The following KBTBD7 variants were observed in gnomAD, a reference collection of about 807,000 sequenced individuals.
KBTBD7 encodes kelch repeat and BTB domain-containing protein 7.
A neutral mutation model predicts 50.3 loss-of-function variants in KBTBD7; 25 were observed. The observed-to-expected ratio is 0.50, with a 90% CI of 0.36 to 0.69. The LOEUF (loss-of-function observed/expected upper bound fraction) is 0.69. KBTBD7 is among the 30% of genes least tolerant of loss of function. The pLI is 0.00. For synonymous variants in KBTBD7, 305 were observed against 325.3 expected, an observed-to-expected ratio of 0.94 and a Z score of 0.67; for missense variants, 653 against 869.5, an observed-to-expected ratio of 0.75 and a Z score of 3.13.
chr13:41,192,400 G>T lies in KBTBD7; in HGVS notation c.1858C>A (p.Pro620Thr). The change falls in exon 1 of 1, where the codon CCT becomes ACT. Residue 620 changes from proline (P) to threonine (T), a missense_variant. Physicochemically the swap from Pro to Thr is conservative, Grantham distance 38. Transcript: ENST00000379483. ...CTCTGACCAGGTTCAAGGCAGGAAG[G>T]ATAAACACGAGCACAAAGGCAAATA... ...GFICLCARVY[P>T]SCLEPGQSFI... 1 of 1,614,162 alleles carries T rather than the reference G, an allele frequency of 6.2e-7. No individual in the cohort carries two copies. The highest frequency in any genetic ancestry group is 8.5e-7 in the Non-Finnish European group (1 of 1,180,026).
chr13:41,193,676 G>A lies in KBTBD7; in HGVS notation c.582C>T (p.Ser194=). 2 of 1,614,178 alleles carry A rather than the reference G, an allele frequency of 1.2e-6. No individual in the cohort carries two copies. Among genetic ancestry groups the A allele is most frequent in the Non-Finnish European group, 1.7e-6 (2 of 1,180,032 alleles). Reference sequence around the variant, plus strand: ...GCTGCTTGAAGTTGTGAGCTATGTAGGACTGGGCCTGAGATCGAAGCTTGT... The same window carrying A: ...GCTGCTTGAAGTTGTGAGCTATGTAAGACTGGGCCTGAGATCGAAGCTTGT... ...DHHKLRSQAQ[S]YIAHNFKQLS... The change falls in exon 1 of 1, where the codon TCC becomes TCT. Residue 194 remains serine, a synonymous_variant. Transcript: ENST00000379483. This position sits in a 1 kb window ranked among gnomAD's most constrained non-coding sequence, Gnocchi z 5.7.
In KBTBD7 at chr13:41,193,728, A is replaced by G. The variant is rs1220259344; in HGVS notation, c.530T>C (p.Leu177Pro). 6.2e-7 allele frequency: 1 copy of G among 1,614,212 alleles called. No homozygotes were observed. Among genetic ancestry groups the G allele is most frequent in the Non-Finnish European group, 8.5e-7 (1 of 1,180,042 alleles). Residue 177 changes from leucine to proline, a missense_variant, in exon 1 of 1, where the codon CTC becomes CCC. Physicochemically the swap from Leu to Pro is moderately conservative, Grantham distance 98. Around this residue, in one of 3 missense-constraint regions of KBTBD7, gnomAD observed 526 missense variants for 717.1 expected, o/e 0.73. Coordinates refer to ENST00000379483, the MANE Select transcript of KBTBD7 (RefSeq NM_032138.7). This position sits in a 1 kb window ranked among gnomAD's most constrained non-coding sequence, Gnocchi z 5.7. ...RLDLTNCTAI[L>P]KFADAFDHHK... ...ATGGTCGAAGGCGTCTGCAAACTTGAGGATGGCGGTGCAGTTGGTCAGGTC... is the reference window on the plus strand; with the variant it reads ...ATGGTCGAAGGCGTCTGCAAACTTGGGGATGGCGGTGCAGTTGGTCAGGTC...
Position 41,192,680 on chromosome 13 carries a change from A to G in KBTBD7, c.1578T>C (p.Tyr526=), listed in dbSNP as rs745664907. ...QEACVFNDEI[Y]CICDIPVMKV... ...TCATGACTGGGATGTCACAGATACA[A>G]TAGATTTCATCATTGAAGACACATG... The change falls in exon 1 of 1, where the codon TAT becomes TAC. Residue 526 remains tyrosine (Y), a synonymous_variant. Coordinates refer to ENST00000379483, the MANE Select transcript of KBTBD7 (RefSeq NM_032138.7). 3.1e-6 allele frequency: 5 copies of G among 1,614,216 alleles called. No individual in the cohort carries two copies. Among genetic ancestry groups the G allele is most frequent in the Admixed American group, 3.3e-5 (2 of 60,032 alleles).
rs2031380739 is a variant in KBTBD7 at position 41,191,436 on chromosome 13, T to C, written c.*767A>G. Reference sequence around the variant, plus strand: ...TTAGAAGGGTGTTTAATTCATGACATTACTAAGAATGGGTGTTTTTTGGGA... The same window carrying C: ...TTAGAAGGGTGTTTAATTCATGACACTACTAAGAATGGGTGTTTTTTGGGA... On this transcript the variant is annotated 3_prime_UTR_variant, in exon 1 of 1. Transcript: ENST00000379483. The C allele has an allele frequency of 6.8e-6, 1 of 148,046 alleles. No homozygotes were observed. Among genetic ancestry groups the C allele is most frequent in the South Asian group, 2.2e-4 (1 of 4,604 alleles). The allele number at this position is 148,046 out of a possible 1,614,324, so 9.2% of individuals were successfully genotyped here. A position where few individuals can be genotyped will look rare whatever the true frequency, so the allele number is the denominator to read the frequency against.
chr13:41,192,375 C>G lies in KBTBD7; in HGVS notation c.1883G>C (p.Ser628Thr). The G allele has an allele frequency of 6.2e-7, 1 of 1,614,206 alleles. No homozygotes were observed. Among genetic ancestry groups the G allele is most frequent in the Non-Finnish European group, 8.5e-7 (1 of 1,180,030 alleles). ...VYPSCLEPGQ[S>T]FITEEDDARS... The stretch of plus-strand genomic sequence containing the variant: ...TGCATCATCTTCCTCAGTAATAAAA[C>G]TCTGACCAGGTTCAAGGCAGGAAGG... Residue 628 changes from serine (S) to threonine (T), a missense_variant, in exon 1 of 1, where the codon AGT becomes ACT. By Grantham distance (58) the Ser-to-Thr change is moderately conservative. Around this residue, in one of 3 missense-constraint regions of KBTBD7, gnomAD observed 526 missense variants for 717.1 expected, o/e 0.73. Transcript: ENST00000379483.
At position 41,191,358 on chromosome 13, in the gene KBTBD7, A is replaced by C. The variant is rs1202789702; in HGVS notation, c.*845T>G. ...TCAGTAAAGCATGTATTGGGCATAA[A>C]TTAAAAACACAAACATAAAAAGCAA... On this transcript the variant is annotated 3_prime_UTR_variant, in exon 1 of 1. Coordinates refer to ENST00000379483, the MANE Select transcript of KBTBD7 (RefSeq NM_032138.7). 6.6e-6 allele frequency: 1 copy of C among 150,480 alleles called. No individual in the cohort carries two copies. Among genetic ancestry groups the C allele is most frequent in the East Asian group, 1.9e-4 (1 of 5,160 alleles). The allele number at this position is 150,480 out of a possible 1,614,324, so 9.3% of individuals were successfully genotyped here. A position where few individuals can be genotyped will look rare whatever the true frequency, so the allele number is the denominator to read the frequency against.
chr13:41,192,590 G>C lies in KBTBD7; in HGVS notation c.1668C>G (p.Thr556=). 1 of 1,614,122 alleles carries C rather than the reference G, an allele frequency of 6.2e-7. No individual in the cohort carries two copies. Among genetic ancestry groups the C allele is most frequent in the South Asian group, 1.1e-5 (1 of 91,078 alleles). Residue 556 remains threonine (T), a synonymous_variant, in exon 1 of 1, where the codon ACC becomes ACG. Transcript: ENST00000379483. ...CATGATTGACAATCTGGTAGTTGTG[G>C]GTCTCTGAATCCAAAGGAATATTAC... The part of the protein sequence containing the change: ...RISNIPLDSE[T]HNYQIVNHDQ...
chr13:41,192,516 T>G lies in KBTBD7; in HGVS notation c.1742A>C (p.Asn581Thr). 1.2e-6 allele frequency: 2 copies of G among 1,614,200 alleles called. No individual in the cohort carries two copies. The highest frequency in any genetic ancestry group is 1.7e-6 in the Non-Finnish European group (2 of 1,180,020). The change falls in exon 1 of 1, where the codon AAC (asparagine) becomes ACC (threonine). Residue 581 changes from asparagine to threonine, a missense_variant. Asn to Thr is a moderately conservative substitution (Grantham distance 65, BLOSUM62 0). Coordinates refer to ENST00000379483, the MANE Select transcript of KBTBD7 (RefSeq NM_032138.7). Reference sequence around the variant, plus strand: ...ATCATACTCATACACTGTCACTCGGTTCTTTTTCCATTGTGGGGTTGTAGA... The same window carrying G: ...ATCATACTCATACACTGTCACTCGGGTCTTTTTCCATTGTGGGGTTGTAGA... Reference protein sequence around the residue: ...ITSTTPQWKKNRVTVYEYDTR... With the variant: ...ITSTTPQWKKTRVTVYEYDTR...
chr13:41,190,226 T>G lies in KBTBD7; in HGVS notation c.*1977A>C, dbSNP rs941126288. On this transcript the variant is annotated 3_prime_UTR_variant, in exon 1 of 1. Coordinates refer to ENST00000379483, the MANE Select transcript of KBTBD7 (RefSeq NM_032138.7). ...AGAAATAGCTTTGTATTAAGTGCAGTACTTATAACATCCCTGATGTCAAAT... is the reference window on the plus strand; with the variant it reads ...AGAAATAGCTTTGTATTAAGTGCAGGACTTATAACATCCCTGATGTCAAAT... 2.0e-5 allele frequency: 3 copies of G among 152,192 alleles called. No individual in the cohort carries two copies. The highest frequency in any genetic ancestry group is 6.5e-5 in the Admixed American group (1 of 15,284). 9.4% of individuals were successfully genotyped at this position (152,192 alleles called of 1,614,324 possible). A position where few individuals can be genotyped will look rare whatever the true frequency, so the allele number is the denominator to read the frequency against.
At position 41,193,900 on chromosome 13, in the gene KBTBD7, C is replaced by A. The variant is rs1326644621; in HGVS notation, c.358G>T (p.Glu120Ter). 17 of 1,614,128 alleles carry A rather than the reference C, an allele frequency of 1.1e-5. No individual in the cohort carries two copies. Among genetic ancestry groups the A allele is most frequent in the Non-Finnish European group, 1.4e-5 (16 of 1,179,988 alleles). The change falls in exon 1 of 1, where the codon GAG (glutamate) becomes TAG (stop). Residue 120 changes from glutamate to a stop codon, truncating the protein, a stop_gained. Transcript: ENST00000379483. LOFTEE classifies it high-confidence loss of function. The surrounding 1 kb of genome is among the most constrained non-coding windows in gnomAD (Gnocchi z 5.7). ...TAGTCGACCAACACCTCGAAGGACT[C>A]GGCGTCCACATCGTGCATGGTCACG... ...ASVTMHDVDA[E>*]SFEVLVDYCY... is the part of the protein sequence containing the mutation.
chr13:41,192,806 G>A lies in KBTBD7; in HGVS notation c.1452C>T (p.Asn484=). Residue 484 remains asparagine, a synonymous_variant, in exon 1 of 1, where the codon AAC becomes AAT. Coordinates refer to ENST00000379483, the MANE Select transcript of KBTBD7 (RefSeq NM_032138.7). ...GCTTACTGTTGACAGCATAAAGATA[G>A]TTCTGAACCACTATGAGTTCAAAGG... ...FYSFELIVVQ[N]YLYAVNSKRM... is the part of the protein sequence containing the mutation. 1 of 1,614,206 alleles carries A rather than the reference G, an allele frequency of 6.2e-7. No individual in the cohort carries two copies. The highest frequency in any genetic ancestry group is 8.5e-7 in the Non-Finnish European group (1 of 1,180,032).
rs577433916 is a variant in KBTBD7 at position 41,190,344 on chromosome 13, C to T, written c.*1859G>A. The T allele has an allele frequency of 2.0e-4, 31 of 152,142 alleles. No individual in the cohort carries two copies. The highest frequency in any genetic ancestry group is 3.8e-4 in the Non-Finnish European group (26 of 68,006). The allele number at this position is 152,142 out of a possible 1,614,324, so 9.4% of individuals were successfully genotyped here. On this transcript the variant is annotated 3_prime_UTR_variant, in exon 1 of 1. Coordinates refer to ENST00000379483, the MANE Select transcript of KBTBD7 (RefSeq NM_032138.7). ...AGCCATCCTACTTCACTGGAAATAA[C>T]GTTAAACTTGTAGACTGTTCAAATG...
Position 41,191,190 on chromosome 13 carries a change from T to C in KBTBD7, c.*1013A>G, listed in dbSNP as rs1357166544. 6.6e-6 allele frequency: 1 copy of C among 152,172 alleles called. No individual in the cohort carries two copies. Among genetic ancestry groups the C allele is most frequent in the Non-Finnish European group, 1.5e-5 (1 of 68,002 alleles). 9.4% of individuals were successfully genotyped at this position (152,172 alleles called of 1,614,324 possible). A position where few individuals can be genotyped will look rare whatever the true frequency, so the allele number is the denominator to read the frequency against. On this transcript the variant is annotated 3_prime_UTR_variant, in exon 1 of 1. Coordinates refer to ENST00000379483, the MANE Select transcript of KBTBD7 (RefSeq NM_032138.7). ...AAACAGTAAAGAATAAATCACTTTCTGTTGAAGAATCCTCTAGGACAAACA... is the reference window on the plus strand; with the variant it reads ...AAACAGTAAAGAATAAATCACTTTCCGTTGAAGAATCCTCTAGGACAAACA...
rs778491707 is a variant in KBTBD7, at chr13:41,193,777, C to T, written c.481G>A (p.Ala161Thr). 6.2e-7 allele frequency: 1 copy of T among 1,614,236 alleles called. No homozygotes were observed. The highest frequency in any genetic ancestry group is 8.5e-7 in the Non-Finnish European group (1 of 1,180,032). ...TCAAGACGTCGGGCTAAGAAGGAGG[C>T]ACAGGCTTCCCGCACATATTCCAGC... ...LQLEYVREAC[A>T]SFLARRLDLT... The change falls in exon 1 of 1, where the codon GCC (alanine) becomes ACC (threonine). Residue 161 changes from alanine (A) to threonine (T), a missense_variant. By Grantham distance (58) the Ala-to-Thr change is moderately conservative. Around this residue, in one of 3 missense-constraint regions of KBTBD7, gnomAD observed 526 missense variants for 717.1 expected, o/e 0.73. Coordinates refer to ENST00000379483, the MANE Select transcript of KBTBD7 (RefSeq NM_032138.7). The surrounding 1 kb of genome is among the most constrained non-coding windows in gnomAD (Gnocchi z 5.7).
Position 41,193,529 on chromosome 13 carries a change from A to G in KBTBD7, c.729T>C (p.Ala243=). ...TGGCAGCAGCCTCCAGCCACTGCACAGCTACATGGCATACAGTCCGCTCAC... is the reference window on the plus strand; with the variant it reads ...TGGCAGCAGCCTCCAGCCACTGCACGGCTACATGGCATACAGTCCGCTCAC... ...IESERTVCHV[A]VQWLEAAAKE... is the part of the protein sequence containing the mutation. Residue 243 remains alanine, a synonymous_variant, in exon 1 of 1, where the codon GCT becomes GCC. Transcript: ENST00000379483. This position sits in a 1 kb window ranked among gnomAD's most constrained non-coding sequence, Gnocchi z 5.7. 6.2e-7 allele frequency: 1 copy of G among 1,614,224 alleles called. No individual in the cohort carries two copies. The highest frequency in any genetic ancestry group is 8.5e-7 in the Non-Finnish European group (1 of 1,180,042).
rs1407846644 is a variant in KBTBD7, at chr13:41,192,839, G to A, written c.1419C>T (p.Ser473=). ...QWALVAPVPH[S]FYSFELIVVQ... ...CCACTATGAGTTCAAAGGAATAGAAGGAATGAGGGACAGGAGCCACCAATG... is the reference window on the plus strand; with the variant it reads ...CCACTATGAGTTCAAAGGAATAGAAAGAATGAGGGACAGGAGCCACCAATG... Residue 473 remains serine, a synonymous_variant, in exon 1 of 1, where the codon TCC becomes TCT. Transcript: ENST00000379483. The A allele has an allele frequency of 1.2e-6, 2 of 1,614,206 alleles. No individual in the cohort carries two copies. The highest frequency in any genetic ancestry group is 1.7e-6 in the Non-Finnish European group (2 of 1,180,030).
At position 41,192,348 on chromosome 13, in the gene KBTBD7, C is replaced by G; in HGVS notation, c.1910G>C (p.Arg637Pro). Residue 637 changes from arginine to proline, a missense_variant, in exon 1 of 1, where the codon CGG becomes CCG. Physicochemically the swap from Arg to Pro is moderately radical, Grantham distance 103. This residue lies in a region of KBTBD7 where 526 missense variants were observed against 717.1 expected (regional missense o/e 0.73). Transcript: ENST00000379483. ...QSFITEEDDA[R>P]SESSTEWDLD... Reference sequence around the variant, plus strand: ...GTCCCATTCAGTACTAGACTCACTCCGTGCATCATCTTCCTCAGTAATAAA... The same window carrying G: ...GTCCCATTCAGTACTAGACTCACTCGGTGCATCATCTTCCTCAGTAATAAA... 2 of 1,614,176 alleles carry G rather than the reference C, an allele frequency of 1.2e-6. No individual in the cohort carries two copies. Among genetic ancestry groups the G allele is most frequent in the Non-Finnish European group, 1.7e-6 (2 of 1,180,020 alleles).
At position 41,190,637 on chromosome 13, in the gene KBTBD7, T is replaced by C. The variant is rs2031361879; in HGVS notation, c.*1566A>G. The C allele has an allele frequency of 6.6e-6, 1 of 152,150 alleles. No individual in the cohort carries two copies. Among genetic ancestry groups the C allele is most frequent in the Non-Finnish European group, 1.5e-5 (1 of 67,984 alleles). 9.4% of individuals were successfully genotyped at this position (152,150 alleles called of 1,614,324 possible). On this transcript the variant is annotated 3_prime_UTR_variant, in exon 1 of 1. Coordinates refer to ENST00000379483, the MANE Select transcript of KBTBD7 (RefSeq NM_032138.7). ...CATAAACATCTGTATATGTACACCA[T>C]TTATCATATATACGTATTGTGACAA...
rs2031346910 is a variant in KBTBD7 at position 41,189,941 on chromosome 13, G to A, written c.*2262C>T. 2 of 152,082 alleles carry A rather than the reference G, an allele frequency of 1.3e-5. No individual in the cohort carries two copies. Among genetic ancestry groups the A allele is most frequent in the African/African-American group, 4.8e-5 (2 of 41,410 alleles). 9.4% of individuals were successfully genotyped at this position (152,082 alleles called of 1,614,324 possible). On this transcript the variant is annotated 3_prime_UTR_variant, in exon 1 of 1. Coordinates refer to ENST00000379483, the MANE Select transcript of KBTBD7 (RefSeq NM_032138.7). ...ATTCACAAATAGATCACAAAACCAA[G>A]ATCCTTCCCAAGAAAACCTTACTGT... is the stretch of plus-strand genomic sequence containing the variant.
Sources: gnomAD v4.1 joint callset for allele counts on GRCh38, gnomAD v4.1.1 for gene constraint, gnomAD v4.1.1 regional missense constraint, Gnocchi (gnomAD v3.1) non-coding constraint, MANE v1.5 for transcripts, NCBI Gene and HGNC (gene_info 2026-07-23, HGNC 2026-07-21) for gene names.